DNAJC10: variants seen among roughly 807,000 people sequenced by gnomAD.
The protein encoded by DNAJC10 is DnaJ heat shock protein family (Hsp40) member C10, also known as endoplasmic reticulum disulfide reductase DNAJC10.
DNAJC10 carries 101 observed loss-of-function variants against 115.0 expected under a neutral mutation model. The ratio of observed to expected loss-of-function variants is 0.88; its 90% confidence interval spans 0.75 to 1.04. The LOEUF (loss-of-function observed/expected upper bound fraction) is 1.04. Among genes scored for constraint, DNAJC10 ranks in the 50% least tolerant of loss-of-function variants. The probability of loss-of-function intolerance (pLI) is 0.00; values close to 1 mark genes in which losing one functional copy is unlikely to be tolerated. For missense variants in DNAJC10, 981 were observed against 928.8 expected (o/e 1.06, Z -0.73); for synonymous variants, 307 against 301.5 (o/e 1.02, Z -0.19).
At chr2:182,771,068 T>C (rs1694548158) in intron 22 of DNAJC10, among the ~76,000 whole-genome samples, 2 of 152,186 alleles carry the variant, frequency 1.3e-5, no homozygotes. Context: ...GATAATCATG[T>C]AGTTTTTGTC....
intron 22 of DNAJC10, among the ~76,000 whole-genome samples, chr2:182,770,297 G>A (rs1694526980): frequency 1.3e-5 from 2 of 152,128 alleles, no homozygotes; most frequent in South Asian, 4.1e-4. Flanking sequence ...TGGCAATACG[G>A]GCTCTTTTTT....
At chr2:182,754,916 T>G in intron 16 of DNAJC10, 87 bp from the exon 17 acceptor site, 1 of 1,314,852 alleles carries the variant, frequency 7.6e-7, no homozygotes, top group Non-Finnish European at 1.1e-6. Flanking sequence ...AATCTTGTTC[T>G]TGTTACTTAA....
chr2:182,722,710 G>A (rs1693182939), intron 5 of DNAJC10, among the ~76,000 whole-genome samples: 1 of 152,120 alleles, frequency 6.6e-6, no homozygotes, highest in African/African-American at 2.4e-5. Context: ...GGAGGCCAAG[G>A]CAGGCAGATC....
chr2:182,732,392 T>C (rs546098972), intron 9 of DNAJC10, 107 bp from the exon 10 acceptor site: 2 of 1,016,328 alleles, frequency 2.0e-6, no homozygotes, highest in African/African-American at 3.2e-5. Context: ...TCCAGCTCAA[T>C]TAATTGCCTT....
chr2:182,737,584 T>A (rs1693615237), intron 11 of DNAJC10, among the ~76,000 whole-genome samples: 1 of 152,196 alleles, frequency 6.6e-6, no homozygotes, highest in Non-Finnish European at 1.5e-5. Context: ...ATTATACACA[T>A]GCACCTATAC....
rs288280 is a variant in DNAJC10, at chr2:182,728,970, C to T, written c.609C>T (p.Ser203=). Residue 203 remains serine, a synonymous_variant, in exon 7 of 24, where the codon AGC becomes AGT. Transcript: ENST00000264065. The part of the protein sequence containing the change: ...CRMKGVNSYP[S]LFIFRSGMAP... Reference sequence around the variant, plus strand: ...TGAAAGGAGTCAACAGCTATCCCAGCCTCTTCATTTTTCGGTCTGGAATGG... The same window carrying T: ...TGAAAGGAGTCAACAGCTATCCCAGTCTCTTCATTTTTCGGTCTGGAATGG... 0.64 allele frequency: 1,031,025 copies of T among 1,612,374 alleles called. 333,672 individuals are homozygous for T. Among genetic ancestry groups the T allele is most frequent in the African/African-American group, 0.81 (60,745 of 74,880 alleles).
intron 7 of DNAJC10, among the ~76,000 whole-genome samples, chr2:182,729,614 T>A (rs1474846207): frequency 7.4e-6 from 1 of 134,776 alleles, no homozygotes; most frequent in Non-Finnish European, 1.6e-5. Flanking sequence ...ATCTTTTTTC[T>A]TAGTTTCCAG....
intron 4 of DNAJC10, 140 bp from the exon 5 acceptor site, chr2:182,721,885 G>T: frequency 2.0e-6 from 1 of 494,846 alleles, no homozygotes; most frequent in Non-Finnish European, 3.6e-6. Flanking sequence ...TTTTCACTTA[G>T]GATGTTGCAT....
intron 22 of DNAJC10, among the ~76,000 whole-genome samples, chr2:182,771,345 A>G (rs1043767888): frequency 1.3e-5 from 2 of 152,180 alleles, no homozygotes; most frequent in Non-Finnish European, 2.9e-5. Context: ...GCCTCATAAA[A>G]TGAGTTAGGG....
At chr2:182,725,530 G>A (rs560104330) in intron 5 of DNAJC10, among the ~76,000 whole-genome samples, 2 of 152,294 alleles carry the variant, frequency 1.3e-5, no homozygotes, top group South Asian at 2.1e-4. Flanking sequence ...TGCTAACATA[G>A]AGAATGTCTT....
intron 10 of DNAJC10, 149 bp downstream of exon 10, chr2:182,732,691 G>T: frequency 2.9e-6 from 2 of 681,482 alleles, no homozygotes; most frequent in Non-Finnish European, 4.8e-6. Context: ...ATAGCTATGT[G>T]TTTTTTCCTG....
At position 182,788,047 on chromosome 2, in the gene DNAJC10, G is replaced by A. The variant is rs1357588092; in HGVS notation, c.*10915G>A. The A allele has an allele frequency of 6.6e-6, 1 of 152,144 alleles. No homozygotes were observed. Among genetic ancestry groups the A allele is most frequent in the African/African-American group, 2.4e-5 (1 of 41,434 alleles). The allele number at this position is 152,144 out of a possible 1,614,324, so 9.4% of individuals were successfully genotyped here. On this transcript the variant is annotated 3_prime_UTR_variant, in exon 24 of 24. Coordinates refer to ENST00000264065, the MANE Select transcript of DNAJC10 (RefSeq NM_018981.4). ...GAAAGATGTTTAACAAATACTTGAAGAGCCACTATTTAAGATAAATGAGAG... is the reference window on the plus strand; with the variant it reads ...GAAAGATGTTTAACAAATACTTGAAAAGCCACTATTTAAGATAAATGAGAG...
rs575033202 is a variant in DNAJC10 at position 182,720,726 on chromosome 2, A to G, written c.367+557A>G. ...TCCCATTAGTAAGTGATGTATGACT[A>G]TATGTTTGCATTAGGGGTAGCTAAA... On this transcript the variant is annotated intron_variant, in intron 4 of 23. Transcript: ENST00000264065. Among the ~76,000 whole-genome samples, 22 of 152,250 alleles carry G rather than the reference A, an allele frequency of 1.4e-4. 1 individual carries two copies. In the South Asian group the frequency reaches 4.1e-3, roughly 29 times the overall value.
At chr2:182,739,134 A>G (rs1693661774) in intron 11 of DNAJC10, among the ~76,000 whole-genome samples, 1 of 148,888 alleles carries the variant, frequency 6.7e-6, no homozygotes, top group East Asian at 1.9e-4. Context: ...AGCAGGAACT[A>G]TTTCATATAG....
At chr2:182,717,329 C>A (rs915172821) in intron 2 of DNAJC10, among the ~76,000 whole-genome samples, 2 of 152,136 alleles carry the variant, frequency 1.3e-5, no homozygotes, top group Non-Finnish European at 2.9e-5. Flanking sequence ...TGGTAACTTA[C>A]AATTGTTTTT....
chr2:182,752,214 CTAAT>C (rs756075109), intron 16 of DNAJC10, 26 bp downstream of exon 16: 3 of 1,227,544 alleles, frequency 2.4e-6, no homozygotes, highest in Non-Finnish European at 3.4e-6. Flanking sequence ...AAAAATTATT[CTAAT>C]TAATTTTATA....
chr2:182,736,950 A>C (rs1693600482), intron 11 of DNAJC10, among the ~76,000 whole-genome samples: 1 of 152,124 alleles, frequency 6.6e-6, no homozygotes, highest in African/African-American at 2.4e-5. Flanking sequence ...GGGTTTCGCC[A>C]TGTTGGCCAG....
chr2:182,730,722 A>G (rs1379352848), intron 8 of DNAJC10, among the ~76,000 whole-genome samples: 6 of 152,134 alleles, frequency 3.9e-5, no homozygotes, highest in Non-Finnish European at 8.8e-5. Context: ...AATTGGGTCA[A>G]GTGGTGTGGG....
At chr2:182,767,190 C>T (rs888876709) in intron 22 of DNAJC10, among the ~76,000 whole-genome samples, 6 of 151,958 alleles carry the variant, frequency 3.9e-5, no homozygotes, top group Non-Finnish European at 8.8e-5. Flanking sequence ...AAGAGGATAC[C>T]ACGCAGAGCG....
Sources: allele counts gnomAD v4.1 joint callset (sites outside exome capture counted in the v4.1 genomes callset), GRCh38; gene constraint gnomAD v4.1.1; transcripts MANE v1.5; gene names NCBI Gene and HGNC (gene_info 2026-07-23, HGNC 2026-07-21).